Variants in CLASP1 observed in about 807,000 individuals in gnomAD.
The protein encoded by CLASP1 is cytoplasmic linker associated protein 1.
CLASP1 carries 38 observed loss-of-function variants against 192.3 expected under a neutral mutation model. That is an observed-to-expected ratio of 0.20 (90% CI 0.15 to 0.26). The LOEUF (loss-of-function observed/expected upper bound fraction) is 0.26, where lower values mean the gene tolerates loss of function less well. CLASP1 is among the 10% of genes least tolerant of loss of function. The probability of loss-of-function intolerance (pLI) is 1.00; values close to 1 mark genes in which losing one functional copy is unlikely to be tolerated. For synonymous variants in CLASP1, 691 were observed against 712.8 expected (o/e 0.97, Z 0.49); for missense variants, 1,433 against 1,932.5 (o/e 0.74, Z 4.85).
At chr2:121,427,183 T>C (rs577681796) in intron 21 of CLASP1, among the ~76,000 whole-genome samples, 1 of 152,280 alleles carries the variant, frequency 6.6e-6, no homozygotes. Context: ...TCAGGACCTA[T>C]TAATTTTACC....
intron 2 of CLASP1, among the ~76,000 whole-genome samples, chr2:121,545,771 T>C (rs780247164): frequency 6.6e-6 from 1 of 152,098 alleles, no homozygotes; most frequent in Non-Finnish European, 1.5e-5. Flanking sequence ...ACCAACTTTA[T>C]GAACACCAAA....
intron 2 of CLASP1, among the ~76,000 whole-genome samples, chr2:121,593,156 A>G (rs1185966874): frequency 6.6e-6 from 1 of 152,230 alleles, no homozygotes; most frequent in Admixed American, 6.5e-5. Flanking sequence ...TCCCGATGTG[A>G]GGCACTGAGA....
At chr2:121,384,149 C>CAT (rs1250609058) in intron 32 of CLASP1, among the ~76,000 whole-genome samples, 1 of 139,822 alleles carries the variant, frequency 7.2e-6, no homozygotes, top group Admixed American at 7.0e-5. Flanking sequence ...TATATATACA[C>CAT]ACACACACAT....
intron 2 of CLASP1, among the ~76,000 whole-genome samples, chr2:121,569,779 T>A (rs1425077258): frequency 6.6e-6 from 1 of 151,990 alleles, no homozygotes; most frequent in Non-Finnish European, 1.5e-5. Context: ...AGGCCAAGGC[T>A]GCAGTGAGCC....
intron 2 of CLASP1, among the ~76,000 whole-genome samples, chr2:121,582,287 G>A (rs965715816): frequency 1.3e-5 from 2 of 150,956 alleles, no homozygotes; most frequent in Non-Finnish European, 3.0e-5. Flanking sequence ...GAGAGAGAGA[G>A]AGAGAGAAAG....
chr2:121,423,039 C>A (rs2079779602), intron 22 of CLASP1, among the ~76,000 whole-genome samples: 1 of 151,990 alleles, frequency 6.6e-6, no homozygotes, highest in African/African-American at 2.4e-5. Flanking sequence ...TAATCTATTA[C>A]TGAATAATGC....
intron 37 of CLASP1, among the ~76,000 whole-genome samples, chr2:121,361,937 G>C (rs1484982917): frequency 6.6e-6 from 1 of 152,248 alleles, no homozygotes; most frequent in Admixed American, 6.5e-5. Context: ...GAGAGGCCCA[G>C]TCTGAGGACA....
intron 30 of CLASP1, among the ~76,000 whole-genome samples, chr2:121,388,295 C>G (rs2149387032): frequency 6.6e-6 from 1 of 152,308 alleles, no homozygotes; most frequent in South Asian, 2.1e-4. Flanking sequence ...TCAGTACACC[C>G]TGGAAAGCAC....
At chr2:121,444,709 T>G (rs1395215316) in intron 19 of CLASP1, among the ~76,000 whole-genome samples, 1 of 152,148 alleles carries the variant, frequency 6.6e-6, no homozygotes, top group African/African-American at 2.4e-5. Flanking sequence ...CAGCATACTT[T>G]AGTGCTAAAA....
At chr2:121,464,245 T>C (rs1260365849) in intron 9 of CLASP1, among the ~76,000 whole-genome samples, 1 of 152,056 alleles carries the variant, frequency 6.6e-6, no homozygotes, top group Non-Finnish European at 1.5e-5. Context: ...CAGTCTATCA[T>C]TGTTGGACAT....
chr2:121,345,965 C>T (rs2063403101), intron 39 of CLASP1, among the ~76,000 whole-genome samples: 1 of 152,204 alleles, frequency 6.6e-6, no homozygotes, highest in Non-Finnish European at 1.5e-5. Flanking sequence ...GTCAACAGAG[C>T]CAAGGTAGAG....
chr2:121,423,127 T>C (rs1009222150), intron 22 of CLASP1, among the ~76,000 whole-genome samples: 1 of 152,150 alleles, frequency 6.6e-6, no homozygotes, highest in African/African-American at 2.4e-5. Context: ...TTTATTCATA[T>C]AGATTTCTTT....
At chr2:121,413,447 T>C (rs2078058004) in intron 23 of CLASP1, among the ~76,000 whole-genome samples, 1 of 152,178 alleles carries the variant, frequency 6.6e-6, no homozygotes, top group Non-Finnish European at 1.5e-5. Flanking sequence ...CATATAAAAA[T>C]AGTGGCAGTT....
intron 19 of CLASP1, among the ~76,000 whole-genome samples, chr2:121,444,423 G>T (rs2083947188): frequency 6.6e-6 from 1 of 152,172 alleles, no homozygotes; most frequent in African/African-American, 2.4e-5. Flanking sequence ...ACCTTTAGAG[G>T]AGAGAAAAAT....
chr2:121,456,843 A>G (rs1024944598), intron 14 of CLASP1, among the ~76,000 whole-genome samples: 11 of 152,096 alleles, frequency 7.2e-5, no homozygotes, highest in Non-Finnish European at 1.3e-4. Flanking sequence ...CAGCTAAGGG[A>G]ATGGGGCCAA....
intron 34 of CLASP1, among the ~76,000 whole-genome samples, chr2:121,376,737 T>C (rs1050886175): frequency 6.6e-6 from 1 of 152,168 alleles, no homozygotes; most frequent in Non-Finnish European, 1.5e-5. Context: ...CCACCCCACA[T>C]TGCTCACATT....
At chr2:121,406,364 G>A (rs1444531503) in intron 25 of CLASP1, among the ~76,000 whole-genome samples, 1 of 152,134 alleles carries the variant, frequency 6.6e-6, no homozygotes, top group Non-Finnish European at 1.5e-5. Flanking sequence ...TCCTCACTAT[G>A]TACATTTATA....
intron 2 of CLASP1, among the ~76,000 whole-genome samples, chr2:121,542,153 TATC>T (rs1317591286): frequency 6.6e-6 from 1 of 152,190 alleles, no homozygotes; most frequent in African/African-American, 2.4e-5. Flanking sequence ...TGTACGTAGG[TATC>T]ATCATCACTC....
At chr2:121,387,296 G>C (rs1574166420) in intron 31 of CLASP1, 68 bp from the exon 33 acceptor site, 3 of 1,120,640 alleles carry the variant, frequency 2.7e-6, no homozygotes, top group Admixed American at 3.4e-5. Context: ...TTCTTTCCTT[G>C]GTCTTTTAAC....
Sources: gnomAD v4.1 joint callset for allele counts (sites outside exome capture counted in the v4.1 genomes callset) on GRCh38, gnomAD v4.1.1 for gene constraint, MANE v1.5 for transcripts, NCBI Gene and HGNC (gene_info 2026-07-23, HGNC 2026-07-21) for gene names.